Variants in SPAG1 observed in about 807,000 individuals in gnomAD.
SPAG1 encodes sperm-associated antigen 1.
SPAG1 carries 69 observed loss-of-function variants against 100.5 expected under a neutral mutation model. That is an observed-to-expected ratio of 0.69 (90% confidence interval 0.57 to 0.84). SPAG1 has a LOEUF of 0.84. Ranked by LOEUF, SPAG1 falls within the 40% of genes least tolerant of loss-of-function variation. SPAG1 has a pLI of 0.00. For synonymous variants in SPAG1, 336 were observed against 411.6 expected, an observed-to-expected ratio of 0.82 and a Z score of 2.22; for missense variants, 955 against 1,133.1, an observed-to-expected ratio of 0.84 and a Z score of 2.26.
At position 100,183,430 on chromosome 8, in the gene SPAG1, G is replaced by C; in HGVS notation, c.482G>C (p.Trp161Ser). 6.7e-7 allele frequency: 1 copy of C among 1,485,936 alleles called. No individual in the cohort carries two copies. Among genetic ancestry groups the C allele is most frequent in the African/African-American group, 1.4e-5 (1 of 71,448 alleles). The allele number at this position is 1,485,936 out of a possible 1,614,324, so 92.0% of individuals were successfully genotyped here. The part of the protein sequence containing the change: ...KKKTPRDYAE[W>S]DKFDVEKECL... ...AAAACTCCAAGGGATTACGCGGAATGGGATAAGTATGTTTTACATGTCTTT... is the reference window on the plus strand; with the variant it reads ...AAAACTCCAAGGGATTACGCGGAATCGGATAAGTATGTTTTACATGTCTTT... Residue 161 changes from tryptophan (W) to serine (S), a missense_variant, in exon 5 of 19, where the codon TGG (tryptophan) becomes TCG (serine). Trp to Ser is a radical substitution (Grantham distance 177). Coordinates refer to ENST00000388798, the MANE Select transcript of SPAG1 (RefSeq NM_003114.5).
intron 10 of SPAG1, among the ~76,000 whole-genome samples, chr8:100,211,988 A>C (rs1470892129): frequency 6.6e-6 from 1 of 152,226 alleles, no homozygotes; most frequent in African/African-American, 2.4e-5. Flanking sequence ...AACCAGATTA[A>C]AACTGGAGCC....
intron 13 of SPAG1, among the ~76,000 whole-genome samples, chr8:100,223,580 C>CTT (rs34674281): frequency 7.0e-6 from 1 of 143,248 alleles, no homozygotes; most frequent in African/African-American, 2.6e-5. Flanking sequence ...ACAGCAGAAG[C>CTT]TTTTTTTTTT....
At position 100,239,138 on chromosome 8, in the gene SPAG1, C is replaced by A. The variant is rs181212017; in HGVS notation, c.2116-102C>A. On this transcript the variant is annotated intron_variant, in intron 16 of 18. Transcript: ENST00000388798. This position sits in a 1 kb window ranked among gnomAD's most constrained non-coding sequence, Gnocchi z 5.0. ...AAGAGTGGTATTAATGTGGACCCTG[C>A]ACACATACTGCACAGCTCACTACAT... 4,844 of 650,366 alleles carry A rather than the reference C, an allele frequency of 7.4e-3. 23 individuals carry two copies. The highest frequency in any genetic ancestry group is 0.015 in the Admixed American group (481 of 32,684). The allele number at this position is 650,366 out of a possible 1,614,324, so 40.3% of individuals were successfully genotyped here.
chr8:100,223,523 A>G (rs916610678), intron 13 of SPAG1, among the ~76,000 whole-genome samples: 1 of 150,572 alleles, frequency 6.6e-6, no homozygotes, highest in African/African-American at 2.4e-5. Flanking sequence ...TGAATCCCAC[A>G]TTTATGCTTG....
intron 15 of SPAG1, among the ~76,000 whole-genome samples, chr8:100,231,951 G>A (rs1220457608): frequency 7.0e-6 from 1 of 142,868 alleles, no homozygotes; most frequent in Admixed American, 6.8e-5. Context: ...GAAAGAGCAA[G>A]ACTCTGTCTC....
At chr8:100,222,678 T>C (rs1459637015) in intron 13 of SPAG1, among the ~76,000 whole-genome samples, 2 of 152,206 alleles carry the variant, frequency 1.3e-5, no homozygotes, top group Admixed American at 1.3e-4. Flanking sequence ...GTCTAATTAA[T>C]AGTAGGCTGA....
intron 10 of SPAG1, among the ~76,000 whole-genome samples, chr8:100,206,840 G>C (rs1817536692): frequency 6.6e-6 from 1 of 152,202 alleles, no homozygotes; most frequent in Non-Finnish European, 1.5e-5. Context: ...GGCTGATTTT[G>C]AGCAGGGTCC....
At position 100,165,848 on chromosome 8, in the gene SPAG1, G is replaced by T. The variant is rs772501096; in HGVS notation, c.175G>T (p.Glu59Ter). 1 of 1,613,944 alleles carries T rather than the reference G, an allele frequency of 6.2e-7. No homozygotes were observed. Among genetic ancestry groups the T allele is most frequent in the South Asian group, 1.1e-5 (1 of 91,036 alleles). ...GGAAGGATATTATCCTGAACTTACA[G>T]AATTTTGTGAAAAGCATCTTCAAGC... Reference protein sequence around the residue: ...GEEGYYPELTEFCEKHLQALA... With the variant: ...GEEGYYPELT The change falls in exon 3 of 19, where the codon GAA (glutamate) becomes TAA (stop). Residue 59 changes from glutamate (E) to a stop codon, truncating the protein, a stop_gained. Coordinates refer to ENST00000388798, the MANE Select transcript of SPAG1 (RefSeq NM_003114.5). LOFTEE classifies it high-confidence loss of function.
At chr8:100,196,359 A>C (rs1470028838) in intron 10 of SPAG1, among the ~76,000 whole-genome samples, 1 of 152,140 alleles carries the variant, frequency 6.6e-6, no homozygotes. Flanking sequence ...AGAGTTCTAG[A>C]TGCTTCTCGT....
intron 9 of SPAG1, among the ~76,000 whole-genome samples, chr8:100,191,959 G>A (rs948067139): frequency 6.6e-6 from 1 of 152,108 alleles, no homozygotes; most frequent in Non-Finnish European, 1.5e-5. Context: ...GTCAAGAACT[G>A]AGATTTTCCC....
intron 3 of SPAG1, among the ~76,000 whole-genome samples, chr8:100,176,835 T>TCTCCTCTCCTCTCCC (rs1563775378): frequency 6.9e-6 from 1 of 144,816 alleles, no homozygotes; most frequent in Non-Finnish European, 1.5e-5. Flanking sequence ...TCTCCTCTCC[T>TCTCCTCTCCTCTCCC]CTCCTCTTCT....
At chr8:100,222,783 A>C (rs952636027) in intron 13 of SPAG1, among the ~76,000 whole-genome samples, 1 of 152,246 alleles carries the variant, frequency 6.6e-6, no homozygotes, top group African/African-American at 2.4e-5. Context: ...GGTAGAATTC[A>C]TGTACATAAA....
chr8:100,194,670 C>T (rs1816955538), intron 10 of SPAG1: 2 of 359,116 alleles, frequency 5.6e-6, no homozygotes, highest in Non-Finnish European at 9.9e-6. Context: ...CAAAAATGAA[C>T]GTATTACTAG....
chr8:100,206,017 C>CAAAAAAAAAA lies in SPAG1; in HGVS notation c.1097-7044_1097-7035dup, dbSNP rs574907013. 6.1e-4 allele frequency among the ~76,000 whole-genome samples: 47 copies of CAAAAAAAAAA among 77,336 alleles called. 2 individuals carry two copies. Among genetic ancestry groups the CAAAAAAAAAA allele is most frequent in the Non-Finnish European group, 8.1e-4 (32 of 39,384 alleles). 50.7% of individuals were successfully genotyped at this position (77,336 alleles called of 152,430 possible). On this transcript the variant is annotated intron_variant, in intron 10 of 18. Transcript: ENST00000388798. ...CTGGCGACAGAGTGAGACTCTGTCT[C>CAAAAAAAAAA]AAAAAAAAAAAAAAAAAAAAAAAAA...
intron 8 of SPAG1, among the ~76,000 whole-genome samples, chr8:100,189,382 C>A (rs920255875): frequency 6.6e-6 from 1 of 152,086 alleles, no homozygotes; most frequent in African/African-American, 2.4e-5. Context: ...GAGGCTGAGG[C>A]AGGAGAATCA....
At chr8:100,206,061 A>ATGC (rs1311708428) in intron 10 of SPAG1, among the ~76,000 whole-genome samples, 2 of 138,122 alleles carry the variant, frequency 1.4e-5, no homozygotes, top group East Asian at 4.3e-4. Context: ...AAAAAGAAAG[A>ATGC]TGCAGGGGTG....
intron 7 of SPAG1, among the ~76,000 whole-genome samples, chr8:100,186,270 G>C (rs562583941): frequency 1.3e-5 from 2 of 151,780 alleles, no homozygotes; most frequent in Admixed American, 6.6e-5. Flanking sequence ...AGGCTCTCAT[G>C]ATGTTGCCCA....
chr8:100,240,470 A>G lies in SPAG1; in HGVS notation c.2348A>G (p.Glu783Gly). The change falls in exon 18 of 19, where the codon GAG becomes GGG. Residue 783 changes from glutamate (E) to glycine (G), a missense_variant. Transcript: ENST00000388798. ...GEVSMGCLAS[E>G]KGGKSSRSPE... ...GTCTCCATGGGATGCCTTGCTTCTG[A>G]GAAGGGAGGCAAAAGCAGCAGGTCA... The G allele has an allele frequency of 6.2e-7, 1 of 1,614,054 alleles. No homozygotes were observed.
intron 3 of SPAG1, among the ~76,000 whole-genome samples, chr8:100,173,751 A>T (rs1241344127): frequency 6.6e-6 from 1 of 152,212 alleles, no homozygotes; most frequent in Non-Finnish European, 1.5e-5. Flanking sequence ...ACAATAGATG[A>T]TTTTTAAATC....
Sources: gnomAD v4.1 joint callset for allele counts (sites outside exome capture counted in the v4.1 genomes callset) on GRCh38, gnomAD v4.1.1 for gene constraint, Gnocchi (gnomAD v3.1) non-coding constraint, MANE v1.5 for transcripts, NCBI Gene and HGNC (gene_info 2026-07-23, HGNC 2026-07-21) for gene names.